ZNF592: variants seen among roughly 807,000 people sequenced by gnomAD.
ZNF592 encodes the protein zinc finger protein 592, also known as spinocerebellar ataxia, autosomal recessive 5.
A neutral mutation model predicts 80.3 loss-of-function variants in ZNF592; 11 were observed. The observed-to-expected ratio is 0.14, with a 90% CI of 0.09 to 0.23. ZNF592 has a LOEUF of 0.23. Among genes scored for constraint, ZNF592 ranks in the 10% least tolerant of loss-of-function variants. The pLI is 1.00. For missense variants in ZNF592, 1,420 were observed against 1,633.9 expected (o/e 0.87, Z 2.26); for synonymous variants, 646 against 640.3 (o/e 1.01, Z -0.13).
At chr15:84,761,023 G>A (rs1291859278) in intron 1 of ZNF592, among the ~76,000 whole-genome samples, 1 of 152,024 alleles carries the variant, frequency 6.6e-6, no homozygotes, top group African/African-American at 2.4e-5. Context: ...GGGTGCAATG[G>A]CACAATCTTG....
intron 4 of ZNF592, among the ~76,000 whole-genome samples, chr15:84,785,658 C>A (rs149975379): frequency 3.2e-4 from 48 of 152,316 alleles, no homozygotes; most frequent in Non-Finnish European, 5.6e-4. Flanking sequence ...TGCAGTGACA[C>A]AGCTGTTCTT....
rs146236236 is a variant in ZNF592 at position 84,798,399 on chromosome 15, G to T, written c.2661G>T (p.Thr887=). 17 of 1,614,192 alleles carry T rather than the reference G, an allele frequency of 1.1e-5. No individual in the cohort carries two copies. In the African/African-American group the frequency reaches 2.3e-4, roughly 22 times the overall value. ...ATTTTTACCAGAATGTCAGCAAGAC[G>T]CAGGTGGGCGTCTTCAAGTGCCCTG... ...QQHFYQNVSK[T]QVGVFKCPEC... Residue 887 remains threonine, a synonymous_variant, in exon 7 of 11, where the codon ACG becomes ACT. Transcript: ENST00000560079. This position sits in a 1 kb window ranked among gnomAD's most constrained non-coding sequence, Gnocchi z 4.5.
intron 2 of ZNF592, among the ~76,000 whole-genome samples, chr15:84,769,221 A>T (rs978443343): frequency 3.3e-5 from 5 of 152,178 alleles, no homozygotes; most frequent in Non-Finnish European, 7.3e-5. Flanking sequence ...AATTATAGGC[A>T]TGAGCCACTG....
intron 1 of ZNF592, among the ~76,000 whole-genome samples, chr15:84,763,852 G>A (rs530013145): frequency 1.9e-4 from 29 of 152,304 alleles, no homozygotes; most frequent in Admixed American, 2.0e-4. Context: ...TTGATGGGCC[G>A]TTAACCAGTG....
intron 4 of ZNF592, 43 bp from the exon 5 acceptor site, chr15:84,790,662 C>A: frequency 6.2e-7 from 1 of 1,608,662 alleles, no homozygotes; most frequent in Non-Finnish European, 8.5e-7. Context: ...AGCCACAGGC[C>A]TATGGCCCCT....
At chr15:84,787,969 C>A (rs767966850) in intron 4 of ZNF592, among the ~76,000 whole-genome samples, 1 of 152,176 alleles carries the variant, frequency 6.6e-6, no homozygotes, top group African/African-American at 2.4e-5. Flanking sequence ...TTTTCCAGAA[C>A]AATTCTGGGT....
rs776803153 is a variant in ZNF592, at chr15:84,799,103, G to A, written c.3030G>A (p.Leu1010=). The change falls in exon 9 of 11, where the codon TTG becomes TTA. Residue 1010 remains leucine, a synonymous_variant. Coordinates refer to ENST00000560079, the MANE Select transcript of ZNF592 (RefSeq NM_014630.3). The surrounding 1 kb of genome is among the most constrained non-coding windows in gnomAD (Gnocchi z 4.2). ...SHMKKSHGRT[L]KRYPCRQCEQ... ...GTTGCCACCTCCTTCCTTAGACATT[G>A]AAGCGGTACCCATGCCGGCAGTGTG... 2.2e-5 allele frequency: 36 copies of A among 1,614,182 alleles called. No individual in the cohort carries two copies. The highest frequency in any genetic ancestry group is 3.0e-5 in the Non-Finnish European group (35 of 1,180,022).
intron 4 of ZNF592, among the ~76,000 whole-genome samples, chr15:84,787,335 T>A (rs1223159852): frequency 6.6e-6 from 1 of 152,152 alleles, no homozygotes; most frequent in Non-Finnish European, 1.5e-5. Flanking sequence ...CTCAGCCAGC[T>A]CCAAATCCCT....
intron 2 of ZNF592, among the ~76,000 whole-genome samples, chr15:84,768,942 T>G (rs890369324): frequency 6.6e-6 from 1 of 152,172 alleles, no homozygotes; most frequent in Non-Finnish European, 1.5e-5. Context: ...TCTTCCTCCT[T>G]TCTTTTATTT....
chr15:84,761,188 A>T (rs1333992401), intron 1 of ZNF592, among the ~76,000 whole-genome samples: 1 of 151,504 alleles, frequency 6.6e-6, no homozygotes, highest in Non-Finnish European at 1.5e-5. Context: ...CCAGTCTCAA[A>T]CTCCTGACCT....
intron 1 of ZNF592, chr15:84,753,445 A>T (rs1486415752): frequency 6.6e-6 from 1 of 152,164 alleles, no homozygotes; most frequent in Non-Finnish European, 1.5e-5. Context: ...CAGCCAGATC[A>T]TGGTGAGTTT....
chr15:84,761,104 C>T (rs979321692), intron 1 of ZNF592, among the ~76,000 whole-genome samples: 1 of 152,088 alleles, frequency 6.6e-6, no homozygotes, highest in African/African-American at 2.4e-5. Flanking sequence ...GCTGAGATTA[C>T]AGGCATGCGT....
chr15:84,801,655 C>T (rs1963098619), intron 10 of ZNF592, among the ~76,000 whole-genome samples: 1 of 152,216 alleles, frequency 6.6e-6, no homozygotes, highest in Admixed American at 6.5e-5. Context: ...TCTCTATACC[C>T]TTCCCGTGCC....
intron 4 of ZNF592, among the ~76,000 whole-genome samples, chr15:84,785,648 T>C (rs1962568167): frequency 6.6e-6 from 1 of 152,214 alleles, no homozygotes; most frequent in Non-Finnish European, 1.5e-5. Context: ...TGTTCTGCCC[T>C]GCAGTGACAC....
chr15:84,768,868 C>A (rs923690918), intron 2 of ZNF592, among the ~76,000 whole-genome samples: 3 of 152,150 alleles, frequency 2.0e-5, no homozygotes, highest in Non-Finnish European at 4.4e-5. Context: ...ATAATAAGCC[C>A]ACTTGGGAAT....
rs1038920632 is a variant in ZNF592, at chr15:84,802,895, C to T, written c.*502C>T. On this transcript the variant is annotated 3_prime_UTR_variant, in exon 11 of 11. Transcript: ENST00000560079. ...GAGAGCTCTGCCTAGTCTGGTTTGGCGAGGGCCCTTGATCACCTTGCCCCT... is the reference window on the plus strand; with the variant it reads ...GAGAGCTCTGCCTAGTCTGGTTTGGTGAGGGCCCTTGATCACCTTGCCCCT... 1.8e-5 allele frequency: 3 copies of T among 162,802 alleles called. No individual in the cohort carries two copies. The South Asian group carries it at 4.8e-4, about 26-fold the overall frequency. 10.1% of individuals were successfully genotyped at this position (162,802 alleles called of 1,614,324 possible). A position where few individuals can be genotyped will look rare whatever the true frequency, so the allele number is the denominator to read the frequency against.
chr15:84,751,495 A>G (rs1462540254), intron 1 of ZNF592, among the ~76,000 whole-genome samples: 1 of 152,262 alleles, frequency 6.6e-6, no homozygotes, highest in African/African-American at 2.4e-5. Flanking sequence ...AAGTGCAGAT[A>G]AAACTCCCTC....
Position 84,783,551 on chromosome 15 carries a change from G to A in ZNF592, c.876G>A (p.Gln292=), listed in dbSNP as rs766728807. Residue 292 remains glutamine, a synonymous_variant, in exon 4 of 11, where the codon CAG becomes CAA. Transcript: ENST00000560079. This position sits in a 1 kb window ranked among gnomAD's most constrained non-coding sequence, Gnocchi z 5.0. ...SSCVAALVAL[Q]AKRVASVTKE... is the part of the protein sequence containing the mutation. ...GTGTGGCAGCCTTGGTGGCCTTGCA[G>A]GCCAAAAGAGTGGCTAGTGTCACTA... 1 of 1,614,234 alleles carries A rather than the reference G, an allele frequency of 6.2e-7. No homozygotes were observed. Among genetic ancestry groups the A allele is most frequent in the Non-Finnish European group, 8.5e-7 (1 of 1,180,040 alleles).
chr15:84,785,089 C>G (rs948491692), intron 4 of ZNF592, among the ~76,000 whole-genome samples, 194 bp downstream of exon 4: 2 of 152,150 alleles, frequency 1.3e-5, no homozygotes, highest in African/African-American at 4.8e-5. Context: ...AGGTGAGACC[C>G]TAATTTAGCA....
Sources: gnomAD v4.1 joint callset for allele counts (sites outside exome capture counted in the v4.1 genomes callset) on GRCh38, gnomAD v4.1.1 for gene constraint, Gnocchi (gnomAD v3.1) non-coding constraint, MANE v1.5 for transcripts, NCBI Gene and HGNC (gene_info 2026-07-23, HGNC 2026-07-21) for gene names.